The following ATG7 variants were observed in gnomAD, a reference collection of about 807,000 sequenced individuals.
The protein encoded by ATG7 is autophagy related 7.
ATG7 carries 70 observed loss-of-function variants against 82.4 expected under a neutral mutation model. The ratio of observed to expected loss-of-function variants is 0.85; its 90% confidence interval spans 0.70 to 1.04. The LOEUF is 1.04. ATG7 is among the 50% of genes least tolerant of loss of function. ATG7 has a pLI of 0.00. For synonymous variants in ATG7, 287 were observed against 313.0 expected (o/e 0.92, Z 0.88); for missense variants, 792 against 864.3 (o/e 0.92, Z 1.05).
intron 20 of ATG7, among the ~76,000 whole-genome samples, chr3:11,513,305 C>T (rs982400264): frequency 5.3e-5 from 8 of 152,316 alleles, no homozygotes; most frequent in Middle Eastern, 3.4e-3. Flanking sequence ...GGGCGGTGCT[C>T]GTTGGGGAGG....
intron 20 of ATG7, among the ~76,000 whole-genome samples, chr3:11,483,831 T>G (rs1158119522): frequency 6.6e-6 from 1 of 152,168 alleles, no homozygotes; most frequent in Non-Finnish European, 1.5e-5. Flanking sequence ...AAAGAACATC[T>G]TATTGGCACA....
downstream of ATG7, chr3:11,559,194 G>T: frequency 7.2e-7 from 1 of 1,381,396 alleles, no homozygotes; most frequent in East Asian, 2.5e-5. Context: ...GCGCACACTG[G>T]ACGTGCTCAA....
intron 20 of ATG7, among the ~76,000 whole-genome samples, chr3:11,539,602 G>T (rs2616538): frequency 0.76 from 115,917 of 152,134 alleles, 44,552 homozygotes; most frequent in East Asian, 0.92. Context: ...CACCTTTGGT[G>T]GTTCTGAAAA....
At chr3:11,372,015 A>G (rs113239135) in intron 18 of ATG7, among the ~76,000 whole-genome samples, 2,712 of 151,442 alleles carry the variant, frequency 0.018, 189 homozygotes, top group African/African-American at 0.063. Flanking sequence ...ACCTATTCTG[A>G]TGCTTTTTGC....
intron 19 of ATG7, among the ~76,000 whole-genome samples, chr3:11,389,435 T>C (rs1270121777): frequency 7.6e-6 from 1 of 131,622 alleles, no homozygotes; most frequent in Non-Finnish European, 1.6e-5. Context: ...GTTTTGTTAG[T>C]GCTTTTTTTT....
intron 18 of ATG7, among the ~76,000 whole-genome samples, chr3:11,369,395 T>C (rs4684772): frequency 0.019 from 2,871 of 151,094 alleles, 146 homozygotes; most frequent in Admixed American, 0.069. Context: ...TGCTATCGTT[T>C]GTGACCTGTT....
chr3:11,371,833 C>T (rs1040554511), intron 18 of ATG7, among the ~76,000 whole-genome samples: 3 of 151,238 alleles, frequency 2.0e-5, no homozygotes, highest in Admixed American at 2.0e-4. Flanking sequence ...ACCCTTGGCA[C>T]CTTGTTCCCA....
intron 19 of ATG7, among the ~76,000 whole-genome samples, chr3:11,407,304 G>A (rs955159204): frequency 6.6e-6 from 1 of 152,216 alleles, no homozygotes; most frequent in Non-Finnish European, 1.5e-5. Context: ...AGGTGGGAAG[G>A]CATGATTGGT....
At chr3:11,520,106 A>G (rs1031727436) in intron 20 of ATG7, among the ~76,000 whole-genome samples, 1 of 152,126 alleles carries the variant, frequency 6.6e-6, no homozygotes, top group African/African-American at 2.4e-5. Flanking sequence ...GAATTTGTTT[A>G]ATTTTCACCA....
chr3:11,372,819 C>CGTGT (rs2077100435), intron 18 of ATG7, among the ~76,000 whole-genome samples: 1 of 80,404 alleles, frequency 1.2e-5, no homozygotes. Context: ...TGTGTGTGCG[C>CGTGT]GCGTGTGCGT....
intron 20 of ATG7, among the ~76,000 whole-genome samples, chr3:11,465,444 C>CAAA (rs34071637): frequency 1.5e-4 from 18 of 116,814 alleles, no homozygotes; most frequent in African/African-American, 4.9e-4. Context: ...GACTCTGTCT[C>CAAA]AAAAAAAAAA....
At chr3:11,485,581 A>G (rs1011633855) in intron 20 of ATG7, among the ~76,000 whole-genome samples, 1 of 152,150 alleles carries the variant, frequency 6.6e-6, no homozygotes, top group Non-Finnish European at 1.5e-5. Flanking sequence ...TTTTGTTGAC[A>G]TTGCTTTTGG....
At chr3:11,441,444 A>G (rs2083949702) in intron 20 of ATG7, among the ~76,000 whole-genome samples, 1 of 151,838 alleles carries the variant, frequency 6.6e-6, no homozygotes, top group Non-Finnish European at 1.5e-5. Flanking sequence ...AGGTTTCAGC[A>G]TCTTGGCCAG....
At chr3:11,550,371 A>C (rs895670452) in intron 20 of ATG7, among the ~76,000 whole-genome samples, 4 of 151,646 alleles carry the variant, frequency 2.6e-5, no homozygotes, top group Non-Finnish European at 5.9e-5. Context: ...ACTTTTTAAA[A>C]ATTTGGTCTA....
chr3:11,485,915 A>C (rs540319627), intron 20 of ATG7, among the ~76,000 whole-genome samples: 205 of 152,206 alleles, frequency 1.3e-3, no homozygotes, highest in African/African-American at 4.6e-3. Flanking sequence ...CTGTTTTGGT[A>C]CCAGTACCAT....
Position 11,331,433 on chromosome 3 carries a change from T to A in ATG7, c.767+5T>A. 1 of 1,582,628 alleles carries A rather than the reference T, an allele frequency of 6.3e-7. No individual in the cohort carries two copies. The highest frequency in any genetic ancestry group is 8.7e-7 in the Non-Finnish European group (1 of 1,151,274). On this transcript the variant is annotated splice_donor_5th_base_variant and intron_variant, in intron 10 of 20. Transcript: ENST00000693202. ...GGTCCTAGCAGCCCACAGATGGTAT[T>A]TACAAGAGTGTGTGTTTGTCTGTCT...
At chr3:11,567,670 T>C in the ATG7 span, among the ~76,000 whole-genome samples, 2 of 152,204 alleles carry the variant, frequency 1.3e-5, no homozygotes, top group African/African-American at 4.8e-5. Flanking sequence ...CAGACACCGA[T>C]GTCACCAGAA....
the ATG7 span, among the ~76,000 whole-genome samples, chr3:11,569,397 G>C: frequency 1.2e-3 from 189 of 152,332 alleles, 1 homozygote; most frequent in African/African-American, 4.3e-3. Context: ...CCCACCCAGT[G>C]AAAGAGATGA....
At chr3:11,462,195 C>T (rs992743193) in intron 20 of ATG7, among the ~76,000 whole-genome samples, 2 of 152,074 alleles carry the variant, frequency 1.3e-5, no homozygotes, top group African/African-American at 4.8e-5. Context: ...CCTTCTAGAA[C>T]TCAGTTTAAG....
Sources: gnomAD v4.1 joint callset for allele counts (sites outside exome capture counted in the v4.1 genomes callset) on GRCh38, gnomAD v4.1.1 for gene constraint, MANE v1.5 for transcripts, NCBI Gene and HGNC (gene_info 2026-07-23, HGNC 2026-07-21) for gene names.